PPP3R1: variants seen among roughly 807,000 people sequenced by gnomAD.
PPP3R1 encodes the protein calcineurin subunit B type 1.
In PPP3R1, 5 loss-of-function variants were observed where a neutral mutation model predicts 22.6. The observed-to-expected ratio is 0.22, with a 90% CI of 0.12 to 0.46. The LOEUF is 0.46. PPP3R1 is among the 20% of genes least tolerant of loss of function. PPP3R1 has a pLI of 0.99. For missense variants in PPP3R1, 61 were observed against 203.2 expected, an observed-to-expected ratio of 0.30 and a Z score of 4.25; for synonymous variants, 56 against 65.2, an observed-to-expected ratio of 0.86 and a Z score of 0.68.
intron 2 of PPP3R1, among the ~76,000 whole-genome samples, chr2:68,210,839 G>C (rs1669464258): frequency 1.3e-5 from 2 of 152,114 alleles, no homozygotes; most frequent in South Asian, 4.1e-4. Context: ...TTTGAGTGTT[G>C]ACATGGCATG....
chr2:68,206,848 T>C (rs930262933), intron 2 of PPP3R1, among the ~76,000 whole-genome samples: 8 of 152,306 alleles, frequency 5.3e-5, no homozygotes, highest in Non-Finnish European at 2.9e-5. Context: ...TGTTAAACTT[T>C]TTTAAAAAGT....
intron 2 of PPP3R1, 79 bp from the exon 3 acceptor site, chr2:68,188,769 TA>T (rs1043462749): frequency 6.8e-6 from 9 of 1,319,284 alleles, no homozygotes; most frequent in Non-Finnish European, 9.1e-6. Flanking sequence ...AGCAAGATTT[TA>T]AAAAAAATTT....
In PPP3R1 at chr2:68,239,954, GT is replaced by G. The variant is rs375393831; in HGVS notation, c.3+12170del. ...ACCATTGTTTTTCACTTTCAGTACAGTTTTCAATAAATTATGTAAGTATTAC... is the reference window on the plus strand; with the variant it reads ...ACCATTGTTTTTCACTTTCAGTACAGTTTCAATAAATTATGTAAGTATTAC... On this transcript the variant is annotated intron_variant, in intron 1 of 5. Coordinates refer to ENST00000234310, the MANE Select transcript of PPP3R1 (RefSeq NM_000945.4). 3.3e-3 allele frequency among the ~76,000 whole-genome samples: 499 copies of G among 152,240 alleles called. 6 individuals carry two copies. Among genetic ancestry groups the G allele is most frequent in the African/African-American group, 0.012 (479 of 41,526 alleles).
At chr2:68,219,660 C>A (rs1254279301) in intron 1 of PPP3R1, among the ~76,000 whole-genome samples, 1 of 151,998 alleles carries the variant, frequency 6.6e-6, no homozygotes, top group Non-Finnish European at 1.5e-5. Context: ...AATTTGTAGC[C>A]AATAGCTCCA....
At chr2:68,223,836 A>G (rs1669732893) in intron 1 of PPP3R1, among the ~76,000 whole-genome samples, 1 of 151,900 alleles carries the variant, frequency 6.6e-6, no homozygotes, top group African/African-American at 2.4e-5. Context: ...AGGTATACAG[A>G]TTGGAAAGGA....
intron 1 of PPP3R1, among the ~76,000 whole-genome samples, chr2:68,247,627 C>T (rs764058696): frequency 6.6e-6 from 1 of 152,206 alleles, no homozygotes; most frequent in Non-Finnish European, 1.5e-5. Context: ...GGAAGTTTCT[C>T]GAGGACAGGA....
chr2:68,242,426 A>G (rs1016731089), intron 1 of PPP3R1, among the ~76,000 whole-genome samples: 3 of 146,376 alleles, frequency 2.0e-5, no homozygotes, highest in African/African-American at 7.5e-5. Flanking sequence ...ACTCCGTCTA[A>G]AAAAAAAAAA....
chr2:68,241,544 A>G (rs2103808861), intron 1 of PPP3R1, among the ~76,000 whole-genome samples: 1 of 152,302 alleles, frequency 6.6e-6, no homozygotes, highest in South Asian at 2.1e-4. Context: ...TCATGCTGGT[A>G]ATTAGAAGAT....
intron 1 of PPP3R1, among the ~76,000 whole-genome samples, chr2:68,227,891 TGTA>T (rs1669817518): frequency 6.6e-6 from 1 of 152,196 alleles, no homozygotes; most frequent in Admixed American, 6.5e-5. Context: ...AAATTTTCTA[TGTA>T]GATAGTCATA....
At chr2:68,217,038 A>ATG in intron 2 of PPP3R1, 54 bp downstream of exon 2, 2 of 1,267,796 alleles carry the variant, frequency 1.6e-6, no homozygotes, top group Non-Finnish European at 2.2e-6. Flanking sequence ...ACACACACAC[A>ATG]CAGAGAGAGA....
intron 2 of PPP3R1, among the ~76,000 whole-genome samples, chr2:68,192,726 T>G (rs765519819): frequency 1.3e-5 from 2 of 152,166 alleles, no homozygotes; most frequent in Non-Finnish European, 2.9e-5. Flanking sequence ...AAAAGGCAAA[T>G]TCAGCCAAAC....
intron 2 of PPP3R1, among the ~76,000 whole-genome samples, chr2:68,196,937 C>G (rs376573823): frequency 2.6e-5 from 4 of 152,120 alleles, no homozygotes; most frequent in African/African-American, 9.7e-5. Context: ...GTTGGCCAGT[C>G]TGGTCTTGAA....
chr2:68,216,792 C>G (rs1669587551), intron 2 of PPP3R1, among the ~76,000 whole-genome samples: 1 of 152,114 alleles, frequency 6.6e-6, no homozygotes, highest in Non-Finnish European at 1.5e-5. Flanking sequence ...CACTTTGAAA[C>G]TTCACTTGAA....
chr2:68,202,000 G>A (rs1037627328), intron 2 of PPP3R1, among the ~76,000 whole-genome samples: 1 of 152,140 alleles, frequency 6.6e-6, no homozygotes, highest in African/African-American at 2.4e-5. Flanking sequence ...TTAAACAAAA[G>A]ATTCAATTTT....
At chr2:68,194,385 A>G (rs945488175) in intron 2 of PPP3R1, among the ~76,000 whole-genome samples, 1 of 152,134 alleles carries the variant, frequency 6.6e-6, no homozygotes, top group Non-Finnish European at 1.5e-5. Context: ...ATGTTACTAC[A>G]TGAAAGTATT....
chr2:68,199,708 G>T (rs1674932969), intron 2 of PPP3R1, among the ~76,000 whole-genome samples: 1 of 152,116 alleles, frequency 6.6e-6, no homozygotes, highest in Non-Finnish European at 1.5e-5. Flanking sequence ...TAATTACTGA[G>T]AAGATGTTTT....
chr2:68,189,959 T>A (rs1226613900), intron 2 of PPP3R1, among the ~76,000 whole-genome samples: 1 of 151,990 alleles, frequency 6.6e-6, no homozygotes, highest in Non-Finnish European at 1.5e-5. Flanking sequence ...AGTATATATG[T>A]ATTATGGCCC....
intron 1 of PPP3R1, among the ~76,000 whole-genome samples, chr2:68,229,391 T>G (rs370845307): frequency 3.8e-4 from 58 of 152,312 alleles, no homozygotes; most frequent in African/African-American, 1.3e-3. Flanking sequence ...AAGCATTCTA[T>G]AAATTACATA....
intron 2 of PPP3R1, among the ~76,000 whole-genome samples, chr2:68,201,549 T>C (rs982008088): frequency 6.6e-6 from 1 of 152,256 alleles, no homozygotes; most frequent in African/African-American, 2.4e-5. Flanking sequence ...AACTGCTTTC[T>C]AGGCCTATGG....
Sources: gnomAD v4.1 joint callset for allele counts (sites outside exome capture counted in the v4.1 genomes callset) on GRCh38, gnomAD v4.1.1 for gene constraint, MANE v1.5 for transcripts, NCBI Gene and HGNC (gene_info 2026-07-23, HGNC 2026-07-21) for gene names.